Variants in POU6F2 observed in about 807,000 individuals in gnomAD.
POU6F2 encodes the protein POU domain, class 6, transcription factor 2.
POU6F2 carries 31 observed loss-of-function variants against 71.3 expected under a neutral mutation model. The ratio of observed to expected loss-of-function variants is 0.43; its 90% CI spans 0.33 to 0.59. The LOEUF (loss-of-function observed/expected upper bound fraction) is 0.59. Among genes scored for constraint, POU6F2 ranks in the 20% least tolerant of loss-of-function variants. POU6F2 has a pLI of 0.04. For missense variants in POU6F2, 783 were observed against 856.8 expected (o/e 0.91, Z 1.07); for synonymous variants, 347 against 355.7 (o/e 0.98, Z 0.27).
chr7:39,360,601 T>C (rs1377560588), intron 5 of POU6F2, among the ~76,000 whole-genome samples: 1 of 152,146 alleles, frequency 6.6e-6, no homozygotes, highest in Non-Finnish European at 1.5e-5. Context: ...TCTTGGATCT[T>C]GTGCAGGAAA....
chr7:39,165,285 G>T (rs1171278803), intron 2 of POU6F2, among the ~76,000 whole-genome samples: 1 of 152,054 alleles, frequency 6.6e-6, no homozygotes, highest in Non-Finnish European at 1.5e-5. Context: ...ACCCAACGTT[G>T]CTTACTCTTT....
intron 2 of POU6F2, among the ~76,000 whole-genome samples, chr7:39,156,719 G>C (rs1562726771): frequency 6.6e-6 from 1 of 152,096 alleles, no homozygotes; most frequent in African/African-American, 2.4e-5. Context: ...GAAGTTAAAC[G>C]ACTCAAAAGC....
intron 1 of POU6F2, among the ~76,000 whole-genome samples, chr7:39,017,976 C>T (rs2128705979): frequency 6.6e-6 from 1 of 152,088 alleles, no homozygotes; most frequent in East Asian, 1.9e-4. Flanking sequence ...ATTTCTTTTT[C>T]CGGCCTTGCT....
At chr7:38,996,751 T>C (rs1788750668) in intron 1 of POU6F2, among the ~76,000 whole-genome samples, 2 of 152,160 alleles carry the variant, frequency 1.3e-5, no homozygotes, top group East Asian at 1.9e-4. Flanking sequence ...AGTGGCAAAG[T>C]TGAGGTTCAA....
In POU6F2 at chr7:39,338,833, GCTAAGACA is replaced by G. The variant is rs560915110; in HGVS notation, c.599-806_599-799del. Among the ~76,000 whole-genome samples, 823 of 152,270 alleles carry G rather than the reference GCTAAGACA, an allele frequency of 5.4e-3. 7 individuals carry two copies. Among genetic ancestry groups the G allele is most frequent in the African/African-American group, 0.017 (699 of 41,532 alleles). Reference sequence around the variant, plus strand: ...TGAGAACAAATTTTGCGTGCTCAGTGCTAAGACACTTTCTCCCACCAACTCTACCTTTC... The same window carrying G: ...TGAGAACAAATTTTGCGTGCTCAGTGCTTTCTCCCACCAACTCTACCTTTC... On this transcript the variant is annotated intron_variant, in intron 4 of 9. Coordinates refer to ENST00000518318, the MANE Select transcript of POU6F2 (RefSeq NM_001370959.1).
intron 8 of POU6F2, among the ~76,000 whole-genome samples, chr7:39,453,126 A>T (rs1241435229): frequency 1.3e-5 from 2 of 152,174 alleles, no homozygotes; most frequent in African/African-American, 4.8e-5. Context: ...ACTTCACCAG[A>T]CTAACCTGGA....
rs1226597925 is a variant in POU6F2 at position 39,110,036 on chromosome 7, C to T, written c.277+24005C>T. On this transcript the variant is annotated intron_variant, in intron 2 of 9. Coordinates refer to ENST00000518318, the MANE Select transcript of POU6F2 (RefSeq NM_001370959.1). ...CTGTAATCCCAGCACTTTGGGAGGC[C>T]GAGGAGGGCGGATCACCTGAGGTCA... Among the ~76,000 whole-genome samples the T allele has an allele frequency of 2.0e-5, 3 of 152,068 alleles. No homozygotes were observed. The East Asian group carries it at 5.8e-4, about 29-fold the overall frequency.
At chr7:39,331,862 T>C (rs1240361672) in intron 4 of POU6F2, among the ~76,000 whole-genome samples, 1 of 152,204 alleles carries the variant, frequency 6.6e-6, no homozygotes, top group Non-Finnish European at 1.5e-5. Context: ...TCACATTTTA[T>C]TGCACAATTG....
intron 2 of POU6F2, among the ~76,000 whole-genome samples, chr7:39,088,272 ACTC>A (rs1791296979): frequency 6.6e-6 from 1 of 151,644 alleles, no homozygotes; most frequent in Non-Finnish European, 1.5e-5. Flanking sequence ...GGAGGAAGAC[ACTC>A]TAATATTCTC....
intron 4 of POU6F2, among the ~76,000 whole-genome samples, chr7:39,293,137 G>T (rs1207230289): frequency 6.6e-6 from 1 of 152,184 alleles, no homozygotes; most frequent in Non-Finnish European, 1.5e-5. Context: ...AAAGCCAGCT[G>T]TGCGCCTGCC....
Position 39,433,233 on chromosome 7 carries a change from G to A in POU6F2, c.1270G>A (p.Val424Met), listed in dbSNP as rs376245818. The A allele has an allele frequency of 1.8e-5, 29 of 1,613,892 alleles. No homozygotes were observed. The highest frequency in any genetic ancestry group is 2.2e-5 in the South Asian group (2 of 91,078). ...ATVIGNQILPVINTQGITLSP... is the reference protein window; with the variant it reads ...ATVIGNQILPMINTQGITLSP... ...AGTCATTGGGAACCAGATCCTGCCC[G>A]TGATCAACACCCAGGGCATCACGCT... The change falls in exon 7 of 10, where the codon GTG (valine) becomes ATG (methionine). Residue 424 changes from valine (V) to methionine (M), a missense_variant. Val to Met is a conservative substitution (Grantham distance 21). Transcript: ENST00000518318.
chr7:39,404,162 G>A (rs1787366375), intron 5 of POU6F2, among the ~76,000 whole-genome samples: 1 of 152,212 alleles, frequency 6.6e-6, no homozygotes, highest in African/African-American at 2.4e-5. Context: ...TGGTTGCCAA[G>A]GCAGCCATCC....
chr7:39,139,002 G>A (rs1200851365), intron 2 of POU6F2, among the ~76,000 whole-genome samples: 1 of 152,266 alleles, frequency 6.6e-6, no homozygotes, highest in Admixed American at 6.5e-5. Context: ...AGAAACCTGT[G>A]CAGTCGCTTG....
At chr7:39,412,553 T>G (rs1787570535) in intron 6 of POU6F2, among the ~76,000 whole-genome samples, 1 of 152,140 alleles carries the variant, frequency 6.6e-6, no homozygotes, top group Non-Finnish European at 1.5e-5. Flanking sequence ...GAAATATGTG[T>G]AATTCTGACT....
chr7:39,341,202 C>G (rs1277976581), intron 5 of POU6F2, among the ~76,000 whole-genome samples: 1 of 152,128 alleles, frequency 6.6e-6, no homozygotes, highest in Non-Finnish European at 1.5e-5. Flanking sequence ...AGTTTGTTGT[C>G]CCATAGCTTT....
chr7:39,161,821 G>A (rs1793005006), intron 2 of POU6F2, among the ~76,000 whole-genome samples: 1 of 152,180 alleles, frequency 6.6e-6, no homozygotes. Context: ...AGACTGCCCT[G>A]CATCTGTTTA....
At chr7:39,064,182 G>C (rs544215826) in intron 1 of POU6F2, among the ~76,000 whole-genome samples, 1 of 152,058 alleles carries the variant, frequency 6.6e-6, no homozygotes, top group East Asian at 1.9e-4. Flanking sequence ...AAACATTTTA[G>C]AGTATAAAAT....
At chr7:39,400,356 A>G (rs1326894429) in intron 5 of POU6F2, among the ~76,000 whole-genome samples, 1 of 152,212 alleles carries the variant, frequency 6.6e-6, no homozygotes, top group Admixed American at 6.5e-5. Context: ...TGTTCCACCC[A>G]GATCCCCTGG....
chr7:39,205,364 G>A (rs1473432203), intron 3 of POU6F2, among the ~76,000 whole-genome samples: 1 of 152,070 alleles, frequency 6.6e-6, no homozygotes, highest in African/African-American at 2.4e-5. Flanking sequence ...AACATACTGG[G>A]GGTAACACAC....
Sources: allele counts gnomAD v4.1 joint callset (sites outside exome capture counted in the v4.1 genomes callset), GRCh38; gene constraint gnomAD v4.1.1; transcripts MANE v1.5; gene names NCBI Gene and HGNC (gene_info 2026-07-23, HGNC 2026-07-21).